The following GALNT14 variants were observed in gnomAD, a reference collection of about 807,000 sequenced individuals.
The protein encoded by GALNT14 is UDP-GalNAc:polypeptide N-acetylgalactosaminyltransferase 14.
A neutral mutation model predicts 77.5 loss-of-function variants in GALNT14; 60 were observed. That is an observed-to-expected ratio of 0.77 (90% confidence interval 0.63 to 0.96). The LOEUF (loss-of-function observed/expected upper bound fraction) is 0.96, where lower values mean the gene tolerates loss of function less well. Among genes scored for constraint, GALNT14 ranks in the 40% least tolerant of loss-of-function variants. The pLI is 0.00. For synonymous variants in GALNT14, 280 were observed against 281.7 expected, an observed-to-expected ratio of 0.99 and a Z score of 0.06; for missense variants, 710 against 731.0, an observed-to-expected ratio of 0.97 and a Z score of 0.33.
chr2:30,939,397 T>G (rs913122460), intron 9 of GALNT14, among the ~76,000 whole-genome samples: 12 of 151,976 alleles, frequency 7.9e-5, no homozygotes, highest in African/African-American at 2.9e-4. Flanking sequence ...TAATAGTGGG[T>G]TGGACTCACT....
At chr2:30,926,784 G>A (rs894920005) in intron 11 of GALNT14, among the ~76,000 whole-genome samples, 24 of 152,152 alleles carry the variant, frequency 1.6e-4, no homozygotes, top group African/African-American at 4.3e-4. Context: ...ATGGGGCAGC[G>A]AAAGAGGACA....
intron 1 of GALNT14, among the ~76,000 whole-genome samples, chr2:30,998,997 TC>T (rs1670200835): frequency 6.6e-6 from 1 of 152,068 alleles, no homozygotes; most frequent in Non-Finnish European, 1.5e-5. Context: ...GAAACCCTTC[TC>T]CTCCCAGCAG....
intron 1 of GALNT14, among the ~76,000 whole-genome samples, chr2:31,035,985 C>A (rs368696437): frequency 6.6e-6 from 1 of 152,072 alleles, no homozygotes; most frequent in East Asian, 1.9e-4. Flanking sequence ...CATAACAAAT[C>A]TGCACATGTA....
intron 1 of GALNT14, among the ~76,000 whole-genome samples, chr2:31,045,063 G>A (rs1673349658): frequency 3.3e-5 from 5 of 152,182 alleles, no homozygotes; most frequent in South Asian, 2.1e-4. Flanking sequence ...CAGGATCCAT[G>A]TGTATAAGGG....
intron 3 of GALNT14, among the ~76,000 whole-genome samples, chr2:30,959,239 G>A (rs1023258485): frequency 6.6e-6 from 1 of 152,178 alleles, no homozygotes; most frequent in African/African-American, 2.4e-5. Context: ...CTAGTAGTTT[G>A]TATCTGATCC....
chr2:30,897,698 A>G, the GALNT14 span, among the ~76,000 whole-genome samples: 2 of 152,208 alleles, frequency 1.3e-5, no homozygotes, highest in Non-Finnish European at 2.9e-5. Flanking sequence ...AGGGCTCAGC[A>G]GAGGAGGCCG....
chr2:30,948,890 G>A (rs1193426429), intron 6 of GALNT14, among the ~76,000 whole-genome samples: 1 of 152,140 alleles, frequency 6.6e-6, no homozygotes, highest in Non-Finnish European at 1.5e-5. Flanking sequence ...TAAAATGCTG[G>A]TTGCTTACTT....
At chr2:31,038,421 A>G (rs1009861445) in intron 1 of GALNT14, among the ~76,000 whole-genome samples, 2 of 152,030 alleles carry the variant, frequency 1.3e-5, no homozygotes, top group South Asian at 2.1e-4. Flanking sequence ...GACAAATGCC[A>G]TAGAGATATG....
At chr2:31,020,514 G>T (rs1469307166) in intron 1 of GALNT14, among the ~76,000 whole-genome samples, 1 of 152,172 alleles carries the variant, frequency 6.6e-6, no homozygotes, top group Non-Finnish European at 1.5e-5. Flanking sequence ...ATTCAAGATG[G>T]CCTCCGGAAT....
intron 1 of GALNT14, among the ~76,000 whole-genome samples, chr2:31,027,979 G>A (rs970031081): frequency 2.6e-5 from 4 of 151,570 alleles, no homozygotes; most frequent in Non-Finnish European, 5.9e-5. Flanking sequence ...TCTTCATCAG[G>A]TAAGAGGCTG....
chr2:31,017,042 G>A (rs954701808), intron 1 of GALNT14, among the ~76,000 whole-genome samples: 1 of 152,246 alleles, frequency 6.6e-6, no homozygotes, highest in African/African-American at 2.4e-5. Flanking sequence ...TTATGGTTAA[G>A]CAAGGGTCTC....
intron 10 of GALNT14, among the ~76,000 whole-genome samples, chr2:30,929,817 G>A (rs1472095550): frequency 6.6e-6 from 1 of 152,154 alleles, no homozygotes; most frequent in African/African-American, 2.4e-5. Flanking sequence ...CTTGGGGATG[G>A]GACTCACATC....
chr2:31,106,707 G>A (rs2148620001), intron 1 of GALNT14, among the ~76,000 whole-genome samples: 1 of 152,278 alleles, frequency 6.6e-6, no homozygotes, highest in Non-Finnish European at 1.5e-5. Flanking sequence ...TCTGCTCCCT[G>A]AAATTATTTT....
chr2:31,040,204 G>C (rs1371192692), intron 1 of GALNT14, among the ~76,000 whole-genome samples: 1 of 152,184 alleles, frequency 6.6e-6, no homozygotes, highest in Non-Finnish European at 1.5e-5. Context: ...TAGATAGTAA[G>C]AGTAATGTTT....
At chr2:30,923,243 T>C (rs1471284810) in intron 13 of GALNT14, among the ~76,000 whole-genome samples, 1 of 151,958 alleles carries the variant, frequency 6.6e-6, no homozygotes. Context: ...TTTGTATTTT[T>C]AGTAGAGACA....
intron 1 of GALNT14, among the ~76,000 whole-genome samples, chr2:31,119,347 G>T (rs906074808): frequency 6.6e-6 from 1 of 152,090 alleles, no homozygotes; most frequent in African/African-American, 2.4e-5. Flanking sequence ...CATGCAAAGA[G>T]CTCTTTTACT....
intron 1 of GALNT14, among the ~76,000 whole-genome samples, chr2:31,037,779 C>T (rs905966619): frequency 6.6e-6 from 1 of 151,854 alleles, no homozygotes; most frequent in African/African-American, 2.4e-5. Context: ...TGAATCAATA[C>T]GTCTCCCAGA....
intron 1 of GALNT14, among the ~76,000 whole-genome samples, chr2:31,088,703 T>C (rs889300596): frequency 4.6e-5 from 7 of 152,228 alleles, no homozygotes; most frequent in African/African-American, 1.7e-4. Flanking sequence ...AGGGAAAATA[T>C]GCAGTCGGGT....
rs1267260648 is a variant in GALNT14 at position 30,980,289 on chromosome 2, A to G, written c.299+12549T>C. Among the ~76,000 whole-genome samples the G allele has an allele frequency of 3.9e-5, 6 of 152,330 alleles. No individual in the cohort carries two copies. In the East Asian group the frequency reaches 1.2e-3, roughly 29 times the overall value. On this transcript the variant is annotated intron_variant, in intron 2 of 14. Coordinates refer to ENST00000349752, the MANE Select transcript of GALNT14 (RefSeq NM_024572.4). ...CTGTTACCTGTCTGCCCTGCCTTCC[A>G]GACCTGCTTTGGCCCACAGCTGCGG...
Sources: gnomAD v4.1 joint callset for allele counts (sites outside exome capture counted in the v4.1 genomes callset) on GRCh38, gnomAD v4.1.1 for gene constraint, MANE v1.5 for transcripts, NCBI Gene and HGNC (gene_info 2026-07-23, HGNC 2026-07-21) for gene names.